The following PLCB3 variants were observed in gnomAD, a reference collection of about 807,000 sequenced individuals.
PLCB3 encodes the protein 1-phosphatidylinositol 4,5-bisphosphate phosphodiesterase beta-3.
A neutral mutation model predicts 152.1 loss-of-function variants in PLCB3; 54 were observed. That is an observed-to-expected ratio of 0.36 (90% CI 0.29 to 0.45). PLCB3 has a LOEUF of 0.45. Among genes scored for constraint, PLCB3 ranks in the 20% least tolerant of loss-of-function variants. The probability of loss-of-function intolerance (pLI) is 1.00; values close to 1 mark genes in which losing one functional copy is unlikely to be tolerated. For synonymous variants in PLCB3, 717 were observed against 698.7 expected (o/e 1.03, Z -0.41); for missense variants, 1,248 against 1,687.5 (o/e 0.74, Z 4.56).
Position 64,254,892 on chromosome 11 carries a change from A to C in PLCB3, c.247-6A>C. The C allele has an allele frequency of 1.2e-6, 2 of 1,609,234 alleles. No homozygotes were observed. Among genetic ancestry groups the C allele is most frequent in the Non-Finnish European group, 1.7e-6 (2 of 1,176,760 alleles). The stretch of plus-strand genomic sequence containing the variant: ...CCCTCTTCACCCTTCGCTGTCACCT[A>C]CTCAGGACCCCAAGATCCGGGAAGT... On this transcript the variant is annotated splice_region_variant and splice_polypyrimidine_tract_variant and intron_variant, in intron 3 of 30. Coordinates refer to ENST00000279230, the MANE Select transcript of PLCB3 (RefSeq NM_000932.5).
rs768141374 is a variant in PLCB3, at chr11:64,265,123, C to CG, written c.2806+24dup. On this transcript the variant is annotated intron_variant, in intron 23 of 30. Coordinates refer to ENST00000279230, the MANE Select transcript of PLCB3 (RefSeq NM_000932.5). ...AGCCCAGGTAAGGAGTGGCCTGGGTCGGGGGTGGGCTGCAGGGAGGCACCC... is the reference window on the plus strand; with the variant it reads ...AGCCCAGGTAAGGAGTGGCCTGGGTCGGGGGGTGGGCTGCAGGGAGGCACCC... The CG allele has an allele frequency of 6.7e-7, 1 of 1,500,784 alleles. No individual in the cohort carries two copies. Among genetic ancestry groups the CG allele is most frequent in the South Asian group, 1.2e-5 (1 of 83,740 alleles). The allele number at this position is 1,500,784 out of a possible 1,614,324, so 93.0% of individuals were successfully genotyped here.
intron 13 of PLCB3, 72 bp downstream of exon 13, chr11:64,259,316 C>G (rs2031721193): frequency 8.0e-7 from 1 of 1,252,462 alleles, no homozygotes; most frequent in African/African-American, 1.5e-5. Flanking sequence ...CGCCGTGACA[C>G]TTCATCCCAG....
chr11:64,254,325 ACTCTGGGGTG>A, intron 1 of PLCB3, 80 bp from the exon 2 acceptor site: 1 of 1,039,532 alleles, frequency 9.6e-7, no homozygotes, highest in Admixed American at 1.7e-5. Flanking sequence ...ATGGGCAGGA[ACTCTGGGGTG>A]CATGATGGGA....
intron 17 of PLCB3, 123 bp from the exon 18 acceptor site, chr11:64,262,284 G>A: frequency 1.5e-6 from 2 of 1,330,544 alleles, no homozygotes; most frequent in Non-Finnish European, 2.1e-6. Context: ...GGACCCTGAT[G>A]CCATTTGAGC....
chr11:64,252,809 G>A (rs1197132829), intron 1 of PLCB3, among the ~76,000 whole-genome samples: 1 of 152,186 alleles, frequency 6.6e-6, no homozygotes, highest in African/African-American at 2.4e-5. Context: ...GAGGGCCCTG[G>A]GGGTGGGGTG....
At position 64,255,791 on chromosome 11, in the gene PLCB3, G is replaced by A. The variant is rs2031497368; in HGVS notation, c.668G>A (p.Arg223Gln). 1.9e-6 allele frequency: 3 copies of A among 1,613,956 alleles called. No homozygotes were observed. Among genetic ancestry groups the A allele is most frequent in the Non-Finnish European group, 2.5e-6 (3 of 1,179,848 alleles). Reference sequence around the variant, plus strand: ...CGGTTCCTGAACAAGCTGTGTCTGCGGCCGGACATTGACAAGATCCTGCTG... The same window carrying A: ...CGGTTCCTGAACAAGCTGTGTCTGCAGCCGGACATTGACAAGATCCTGCTG... The part of the protein sequence containing the change: ...FERFLNKLCL[R>Q]PDIDKILLEI... The change falls in exon 8 of 31, where the codon CGG becomes CAG. Residue 223 changes from arginine (R) to glutamine (Q), a missense_variant. Around this residue, in one of 6 missense-constraint regions of PLCB3, gnomAD observed 299 missense variants for 434.7 expected, o/e 0.69. Transcript: ENST00000279230. The surrounding 1 kb of genome is among the most constrained non-coding windows in gnomAD (Gnocchi z 6.8).
At chr11:64,263,347 A>G (rs1478665334) in intron 19 of PLCB3, 151 bp from the exon 20 acceptor site, 1 of 602,650 alleles carries the variant, frequency 1.7e-6, no homozygotes, top group Non-Finnish European at 3.0e-6. Flanking sequence ...GGGGTCAGCC[A>G]TCAGCTTAGT....
chr11:64,266,557 G>A lies in PLCB3; in HGVS notation c.3414+5G>A. On this transcript the variant is annotated splice_donor_5th_base_variant and intron_variant, in intron 29 of 30. Coordinates refer to ENST00000279230, the MANE Select transcript of PLCB3 (RefSeq NM_000932.5). This position sits in a 1 kb window ranked among gnomAD's most constrained non-coding sequence, Gnocchi z 4.9. The stretch of plus-strand genomic sequence containing the variant: ...TCAGTCAACTCCATCCGTCGGGTGA[G>A]TCAGGCTCCCGGGCCACCCTACCCC... 1 of 1,613,526 alleles carries A rather than the reference G, an allele frequency of 6.2e-7. No homozygotes were observed. Among genetic ancestry groups the A allele is most frequent in the Non-Finnish European group, 8.5e-7 (1 of 1,179,668 alleles).
In PLCB3 at chr11:64,261,385, G is replaced by C; in HGVS notation, c.1732-15G>C. 6.2e-7 allele frequency: 1 copy of C among 1,607,530 alleles called. No homozygotes were observed. Among genetic ancestry groups the C allele is most frequent in the Non-Finnish European group, 8.5e-7 (1 of 1,174,282 alleles). On this transcript the variant is annotated splice_polypyrimidine_tract_variant and intron_variant, in intron 14 of 30. Transcript: ENST00000279230. The stretch of plus-strand genomic sequence containing the variant: ...GGCGGGAATGGCACTGCTGACCCTG[G>C]GTTGGGGCCCACAGGGCACAGCCAG...
At position 64,259,159 on chromosome 11, in the gene PLCB3, C is replaced by T. The variant is rs777892455; in HGVS notation, c.1440C>T (p.Ser480=). 1.0e-5 allele frequency: 16 copies of T among 1,607,612 alleles called. No individual in the cohort carries two copies. The highest frequency in any genetic ancestry group is 3.4e-5 in the Admixed American group (2 of 59,502). ...GACCCAGCGCAGGTGGCCCAGACAGCGCCGGGCGCAAGCGGCCCCTGGAGC... is the reference window on the plus strand; with the variant it reads ...GACCCAGCGCAGGTGGCCCAGACAGTGCCGGGCGCAAGCGGCCCCTGGAGC... The part of the protein sequence containing the change: ...RHRPSAGGPD[S]AGRKRPLEQS... The change falls in exon 13 of 31, where the codon AGC becomes AGT. Residue 480 remains serine (S), a synonymous_variant. Coordinates refer to ENST00000279230, the MANE Select transcript of PLCB3 (RefSeq NM_000932.5).
chr11:64,261,660 T>G lies in PLCB3; in HGVS notation c.1908T>G (p.Phe636Leu). Residue 636 changes from phenylalanine (F) to leucine (L), a missense_variant, in exon 16 of 31, where the codon TTT becomes TTG. By Grantham distance (22) the Phe-to-Leu change is conservative. Coordinates refer to ENST00000279230, the MANE Select transcript of PLCB3 (RefSeq NM_000932.5). ...AACTGACCAAGAGCCCCATGGAGTT[T>G]GTGGAGTATCCTTTGAAGGTGCTGT... ...MEQLTKSPME[F>L]VEYNKQQLSR... The G allele has an allele frequency of 6.2e-7, 1 of 1,613,702 alleles. No individual in the cohort carries two copies. Among genetic ancestry groups the G allele is most frequent in the Non-Finnish European group, 8.5e-7 (1 of 1,179,682 alleles).
At position 64,251,657 on chromosome 11, in the gene PLCB3, G is replaced by A; in HGVS notation, c.8G>A (p.Gly3Asp). 6.8e-7 allele frequency: 1 copy of A among 1,465,964 alleles called. No homozygotes were observed. The highest frequency in any genetic ancestry group is 2.5e-5 in the Admixed American group (1 of 39,922). 90.8% of individuals were successfully genotyped at this position (1,465,964 alleles called of 1,614,324 possible). A position where few individuals can be genotyped will look rare whatever the true frequency, so the allele number is the denominator to read the frequency against. ...CCCGCCCCTGGCCGGGCCATGGCGGGCGCCCAGCCCGGCGTCCACGCGCTG... is the reference window on the plus strand; with the variant it reads ...CCCGCCCCTGGCCGGGCCATGGCGGACGCCCAGCCCGGCGTCCACGCGCTG... MA[G>D]AQPGVHALQL... The change falls in exon 1 of 31, where the codon GGC becomes GAC. Residue 3 changes from glycine (G) to aspartate (D), a missense_variant. By Grantham distance (94) the Gly-to-Asp change is moderately conservative. Coordinates refer to ENST00000279230, the MANE Select transcript of PLCB3 (RefSeq NM_000932.5).
rs775934554 is a variant in PLCB3, at chr11:64,251,648, C to T, written c.-2C>T. 5 of 1,458,948 alleles carry T rather than the reference C, an allele frequency of 3.4e-6. No homozygotes were observed. The South Asian group carries it at 6.6e-5, about 19-fold the overall frequency. 90.4% of individuals were successfully genotyped at this position (1,458,948 alleles called of 1,614,324 possible). ...GGTCCCCGACCCGCCCCTGGCCGGG[C>T]CATGGCGGGCGCCCAGCCCGGCGTC... is the stretch of plus-strand genomic sequence containing the variant. On this transcript the variant is annotated 5_prime_UTR_variant, in exon 1 of 31. Coordinates refer to ENST00000279230, the MANE Select transcript of PLCB3 (RefSeq NM_000932.5).
intron 14 of PLCB3, 145 bp from the exon 15 acceptor site, chr11:64,261,255 G>C (rs2031834255): frequency 1.5e-6 from 1 of 682,630 alleles, no homozygotes; most frequent in East Asian, 2.7e-5. Context: ...GCATCAGTGA[G>C]ACCCCGGGGA....
Position 64,258,651 on chromosome 11 carries a change from C to G in PLCB3, c.1191C>G (p.Ala397=), listed in dbSNP as rs141037173. ...TGCGCGACGTGCTGGAGGCCATTGCCGAGACTGCCTTCAAGACCTCGCCCT... is the reference window on the plus strand; with the variant it reads ...TGCGCGACGTGCTGGAGGCCATTGCGGAGACTGCCTTCAAGACCTCGCCCT... ...VPLRDVLEAI[A]ETAFKTSPYP... The change falls in exon 11 of 31, where the codon GCC becomes GCG. Residue 397 remains alanine (A), a synonymous_variant. Coordinates refer to ENST00000279230, the MANE Select transcript of PLCB3 (RefSeq NM_000932.5). This position sits in a 1 kb window ranked among gnomAD's most constrained non-coding sequence, Gnocchi z 7.2. 1.2e-6 allele frequency: 2 copies of G among 1,614,048 alleles called. No individual in the cohort carries two copies. Among genetic ancestry groups the G allele is most frequent in the Non-Finnish European group, 1.7e-6 (2 of 1,180,016 alleles).
Position 64,254,728 on chromosome 11 carries a change from T to C in PLCB3, c.178-20T>C, listed in dbSNP as rs1384084386. The stretch of plus-strand genomic sequence containing the variant: ...GCCCTGCAGCCTCTCATACTCAGCC[T>C]GGCATCTGGTTCCCCCCAGGAGGTG... On this transcript the variant is annotated intron_variant, in intron 2 of 30. Transcript: ENST00000279230. The C allele has an allele frequency of 1.2e-6, 2 of 1,611,356 alleles. No individual in the cohort carries two copies. Among genetic ancestry groups the C allele is most frequent in the Non-Finnish European group, 1.7e-6 (2 of 1,179,158 alleles).
chr11:64,261,085 C>T (rs999735170), intron 14 of PLCB3, among the ~76,000 whole-genome samples: 2 of 152,160 alleles, frequency 1.3e-5, no homozygotes, highest in African/African-American at 2.4e-5. Context: ...GGGCGAGTCA[C>T]CTGAGGTTGG....
intron 2 of PLCB3, 97 bp from the exon 3 acceptor site, chr11:64,254,651 G>C: frequency 7.0e-7 from 1 of 1,434,330 alleles, no homozygotes; most frequent in East Asian, 2.3e-5. Flanking sequence ...GCTATAGCCA[G>C]GGGCTGGCCA....
At chr11:64,260,772 C>CAAAA (rs10689916) in intron 14 of PLCB3, among the ~76,000 whole-genome samples, 111 of 71,034 alleles carry the variant, frequency 1.6e-3, no homozygotes, top group East Asian at 4.2e-3. Context: ...GACACTATCT[C>CAAAA]AAAAAAAAAA....
Sources: allele counts gnomAD v4.1 joint callset (sites outside exome capture counted in the v4.1 genomes callset), GRCh38; gene constraint gnomAD v4.1.1; regional missense constraint gnomAD v4.1.1; non-coding constraint Gnocchi (gnomAD v3.1); transcripts MANE v1.5; gene names NCBI Gene and HGNC (gene_info 2026-07-23, HGNC 2026-07-21).